SH3PXD2A: variants seen among roughly 807,000 people sequenced by gnomAD.
SH3PXD2A encodes SH3 and PX domains 2A.
SH3PXD2A carries 32 observed loss-of-function variants against 115.2 expected under a neutral mutation model. That is an observed-to-expected ratio of 0.28 (90% CI 0.21 to 0.37). The LOEUF is 0.37. Ranked by LOEUF, SH3PXD2A falls within the 10% of genes least tolerant of loss-of-function variation. The pLI is 1.00. For missense variants in SH3PXD2A, 1,328 were observed against 1,498.7 expected, an observed-to-expected ratio of 0.89 and a Z score of 1.88; for synonymous variants, 610 against 629.1, an observed-to-expected ratio of 0.97 and a Z score of 0.45.
intron 3 of SH3PXD2A, among the ~76,000 whole-genome samples, chr10:103,759,271 A>C (rs1469120768): frequency 6.6e-6 from 1 of 152,230 alleles, no homozygotes; most frequent in South Asian, 2.1e-4. Flanking sequence ...TCAGTACAAA[A>C]GAAGCAAGCA....
chr10:103,837,442 T>C (rs1264044459), intron 1 of SH3PXD2A, among the ~76,000 whole-genome samples: 1 of 152,168 alleles, frequency 6.6e-6, no homozygotes, highest in African/African-American at 2.4e-5. Flanking sequence ...TCCCCACCAC[T>C]TGAGGGTGGG....
chr10:103,732,306 G>A (rs987035478), intron 4 of SH3PXD2A, among the ~76,000 whole-genome samples: 2 of 152,156 alleles, frequency 1.3e-5, no homozygotes, highest in African/African-American at 2.4e-5. Flanking sequence ...GAAAGTCTTC[G>A]ACTTGTTGAG....
intron 5 of SH3PXD2A, among the ~76,000 whole-genome samples, chr10:103,718,548 C>G (rs961405671): frequency 6.6e-6 from 1 of 152,238 alleles, no homozygotes; most frequent in African/African-American, 2.4e-5. Context: ...CCTGCCTCCC[C>G]ACTTGGCTGC....
intron 3 of SH3PXD2A, among the ~76,000 whole-genome samples, chr10:103,742,953 CCCT>C (rs1564878135): frequency 1.7e-3 from 253 of 152,212 alleles, no homozygotes; most frequent in Middle Eastern, 6.8e-3. Context: ...CTCCCTCCCC[CCCT>C]CAAGGGTGAC....
chr10:103,810,877 T>C (rs7919490), intron 1 of SH3PXD2A, among the ~76,000 whole-genome samples: 138,810 of 149,174 alleles, frequency 0.93, 64,928 homozygotes, highest in South Asian at 0.98. Flanking sequence ...GACACAGACA[T>C]ACACAGGGAC....
chr10:103,702,596 C>CGTGTGCGTGTGTGTGTGTGTGT (rs1554913265), intron 5 of SH3PXD2A, among the ~76,000 whole-genome samples: 2 of 147,448 alleles, frequency 1.4e-5, no homozygotes, highest in Admixed American at 1.4e-4. Flanking sequence ...TGTGTGTGTG[C>CGTGTGCGTGTGTGTGTGTGTGT]GTGTGTGTGT....
intron 1 of SH3PXD2A, among the ~76,000 whole-genome samples, chr10:103,843,032 T>C (rs1351606889): frequency 6.6e-6 from 1 of 152,180 alleles, no homozygotes; most frequent in Non-Finnish European, 1.5e-5. Context: ...TGGCAGAAAC[T>C]GAGCAAAATC....
At chr10:103,802,668 T>A in intron 1 of SH3PXD2A, among the ~76,000 whole-genome samples, 1 of 152,142 alleles carries the variant, frequency 6.6e-6, no homozygotes, top group Non-Finnish European at 1.5e-5. Context: ...TGCAGGGGTG[T>A]CTCCAGGAGG....
intron 5 of SH3PXD2A, among the ~76,000 whole-genome samples, chr10:103,695,770 T>C (rs11191770): frequency 0.36 from 54,956 of 152,078 alleles, 10,340 homozygotes; most frequent in South Asian, 0.52. Flanking sequence ...GAAACATTTA[T>C]GCTCAGTAAG....
chr10:103,780,282 GC>G (rs1477013978), intron 2 of SH3PXD2A, among the ~76,000 whole-genome samples: 4 of 152,322 alleles, frequency 2.6e-5, no homozygotes, highest in African/African-American at 9.6e-5. Context: ...TAACATCCTT[GC>G]CTTTCTCCTT....
intron 2 of SH3PXD2A, among the ~76,000 whole-genome samples, chr10:103,788,050 T>A (rs189254963): frequency 3.2e-4 from 48 of 152,242 alleles, no homozygotes; most frequent in African/African-American, 1.2e-3. Flanking sequence ...GGAAAAATGT[T>A]CCCCTAATCC....
chr10:103,678,170 G>T lies in SH3PXD2A; in HGVS notation c.428-9518C>A, dbSNP rs764735984. ...CCCGTTCATGTGTAATGTCTGGGGG[G>T]AGCAGGGCTTGGTGCAGCCTCCCAT... On this transcript the variant is annotated intron_variant, in intron 6 of 14. Transcript: ENST00000369774. The T allele has an allele frequency of 2.3e-6, 3 of 1,288,898 alleles. No homozygotes were observed. The South Asian group carries it at 3.7e-5, about 16-fold the overall frequency. The allele number at this position is 1,288,898 out of a possible 1,614,324, so 79.8% of individuals were successfully genotyped here.
intron 2 of SH3PXD2A, among the ~76,000 whole-genome samples, chr10:103,779,846 C>T (rs530176394): frequency 3.0e-4 from 46 of 152,296 alleles, no homozygotes; most frequent in African/African-American, 1.1e-3. Flanking sequence ...TGCCAGAGAC[C>T]ACTCACAGGT....
intron 10 of SH3PXD2A, 119 bp downstream of exon 10, chr10:103,622,351 C>G (rs112081637): frequency 1.4e-6 from 1 of 693,262 alleles, no homozygotes; most frequent in Non-Finnish European, 2.5e-6. Context: ...AAGCCTGGCC[C>G]GTGAATCTGG....
intron 6 of SH3PXD2A, among the ~76,000 whole-genome samples, chr10:103,691,020 G>A (rs2037742930): frequency 6.6e-6 from 1 of 152,206 alleles, no homozygotes; most frequent in Non-Finnish European, 1.5e-5. Context: ...AGGCAGCCTG[G>A]GTGTGGCCCT....
chr10:103,613,826 C>T (rs1342130760), intron 11 of SH3PXD2A, among the ~76,000 whole-genome samples: 1 of 152,204 alleles, frequency 6.6e-6, no homozygotes, highest in Non-Finnish European at 1.5e-5. Flanking sequence ...TGGAATGGCT[C>T]CTCCATGCCA....
intron 1 of SH3PXD2A, among the ~76,000 whole-genome samples, chr10:103,840,069 G>A (rs1395491218): frequency 6.6e-6 from 1 of 152,250 alleles, no homozygotes; most frequent in Middle Eastern, 3.2e-3. Context: ...TGACAGACTG[G>A]CAGAGGCAGA....
chr10:103,677,557 AC>A (rs1280535220), intron 6 of SH3PXD2A, among the ~76,000 whole-genome samples: 1 of 152,062 alleles, frequency 6.6e-6, no homozygotes, highest in Non-Finnish European at 1.5e-5. Flanking sequence ...GGTTGAGGAC[AC>A]CCACTTTTCA....
At chr10:103,655,363 A>T (rs533896865) in intron 8 of SH3PXD2A, among the ~76,000 whole-genome samples, 3 of 152,342 alleles carry the variant, frequency 2.0e-5, no homozygotes, top group African/African-American at 4.8e-5. Flanking sequence ...CTTTGTTGGG[A>T]CACTTCTTTT....
Sources: allele counts gnomAD v4.1 joint callset (sites outside exome capture counted in the v4.1 genomes callset), GRCh38; gene constraint gnomAD v4.1.1; transcripts MANE v1.5; gene names NCBI Gene and HGNC (gene_info 2026-07-23, HGNC 2026-07-21).